PARD3B: variants seen among roughly 807,000 people sequenced by gnomAD.
PARD3B encodes the protein par-3 family cell polarity regulator beta, also known as partitioning defective 3 homolog B.
Under a neutral mutation model 130.2 loss-of-function variants are expected in PARD3B, and 103 were observed. The observed-to-expected ratio is 0.79, with a 90% CI of 0.67 to 0.93. The LOEUF is 0.93. PARD3B is among the 40% of genes least tolerant of loss of function. The pLI is 0.00. For missense variants in PARD3B, 1,609 were observed against 1,499.2 expected, an observed-to-expected ratio of 1.07 and a Z score of -1.21; for synonymous variants, 583 against 553.2, an observed-to-expected ratio of 1.05 and a Z score of -0.76.
chr2:204,819,561 G>T (rs952910741), intron 2 of PARD3B, among the ~76,000 whole-genome samples: 9 of 152,128 alleles, frequency 5.9e-5, no homozygotes, highest in African/African-American at 2.2e-4. Flanking sequence ...TCAAATGAAA[G>T]GAAGAGTCAT....
intron 2 of PARD3B, among the ~76,000 whole-genome samples, chr2:204,949,194 G>T (rs553419930): frequency 3.9e-5 from 6 of 152,174 alleles, no homozygotes; most frequent in Admixed American, 1.3e-4. Flanking sequence ...TATCAATATC[G>T]CATGGGTAGA....
At chr2:204,629,848 T>A (rs1057395839) in intron 1 of PARD3B, among the ~76,000 whole-genome samples, 1 of 152,212 alleles carries the variant, frequency 6.6e-6, no homozygotes, top group African/African-American at 2.4e-5. Flanking sequence ...TATCCAATAT[T>A]TCTTATAAAA....
Position 205,301,945 on chromosome 2 carries a change from C to T in PARD3B, c.2630+244C>T, listed in dbSNP as rs779717819. The T allele has an allele frequency of 3.4e-5, 24 of 713,466 alleles. No homozygotes were observed. Among genetic ancestry groups the T allele is most frequent in the Admixed American group, 1.2e-4 (6 of 49,974 alleles). 44.2% of individuals were successfully genotyped at this position (713,466 alleles called of 1,614,324 possible). On this transcript the variant is annotated intron_variant, in intron 18 of 22. Coordinates refer to ENST00000406610, the MANE Select transcript of PARD3B (RefSeq NM_001302769.2). This position sits in a 1 kb window ranked among gnomAD's most constrained non-coding sequence, Gnocchi z 5.2. Reference sequence around the variant, plus strand: ...AGAAAGGTCAACACTATGCCAGGCACGGTGGCTCATGCCTGTAATCTCAGT... The same window carrying T: ...AGAAAGGTCAACACTATGCCAGGCATGGTGGCTCATGCCTGTAATCTCAGT...
Position 205,558,699 on chromosome 2 carries a change from T to A in PARD3B, c.3260+5296T>A, listed in dbSNP as rs865921598. Among the ~76,000 whole-genome samples, 4 of 152,188 alleles carry A rather than the reference T, an allele frequency of 2.6e-5. No individual in the cohort carries two copies. The highest frequency in any genetic ancestry group is 9.7e-5 in the African/African-American group (4 of 41,438). ...GTGCCGTCTCCTCCATTCCTGCCAATTCAATGCCCGTCTCTATGATGATTC... is the reference window on the plus strand; with the variant it reads ...GTGCCGTCTCCTCCATTCCTGCCAAATCAATGCCCGTCTCTATGATGATTC... On this transcript the variant is annotated intron_variant, in intron 22 of 22. Transcript: ENST00000406610. This position sits in a 1 kb window ranked among gnomAD's most constrained non-coding sequence, Gnocchi z 4.8.
chr2:205,300,542 A>G lies in PARD3B; in HGVS notation c.2198A>G (p.Lys733Arg), dbSNP rs1351416960. 1.2e-6 allele frequency: 2 copies of G among 1,613,484 alleles called. No individual in the cohort carries two copies. Among genetic ancestry groups the G allele is most frequent in the Non-Finnish European group, 1.7e-6 (2 of 1,179,808 alleles). The change falls in exon 17 of 23, where the codon AAA becomes AGA. Residue 733 changes from lysine (K) to arginine (R), a missense_variant. By Grantham distance (26) the Lys-to-Arg change is conservative (BLOSUM62 2). Transcript: ENST00000406610. The surrounding 1 kb of genome is among the most constrained non-coding windows in gnomAD (Gnocchi z 4.1). ...CTTTCTTTTCCAGAATCTCCAAGCA[A>G]AGATTTTGGTCCAACTCTGGGTTTG... Reference protein sequence around the residue: ...LAGQKSESPSKDFGPTLGLKK... With the variant: ...LAGQKSESPSRDFGPTLGLKK...
chr2:204,981,203 C>G (rs934304326), intron 3 of PARD3B, among the ~76,000 whole-genome samples: 3 of 151,982 alleles, frequency 2.0e-5, no homozygotes, highest in African/African-American at 7.3e-5. Flanking sequence ...ATGACTCTGC[C>G]ATTTCAGTCC....
intron 2 of PARD3B, among the ~76,000 whole-genome samples, chr2:204,841,788 T>A (rs2044267258): frequency 6.6e-6 from 1 of 152,160 alleles, no homozygotes; most frequent in Non-Finnish European, 1.5e-5. Context: ...TAGGCCATTG[T>A]ATAAAATACA....
chr2:205,372,249 G>A (rs985834663), intron 18 of PARD3B, among the ~76,000 whole-genome samples: 2 of 152,162 alleles, frequency 1.3e-5, no homozygotes, highest in Non-Finnish European at 2.9e-5. Flanking sequence ...TTGCCAAAGT[G>A]ACTGCATGTT....
chr2:205,433,549 A>T lies in PARD3B; in HGVS notation c.2742-6821A>T, dbSNP rs868207833. ...CTCTGTGTCAAAAAAAAAAAAAAAA[A>T]AAAAGGTAAATTGAGGTATAATTTA... On this transcript the variant is annotated intron_variant, in intron 19 of 22. Coordinates refer to ENST00000406610, the MANE Select transcript of PARD3B (RefSeq NM_001302769.2). Among the ~76,000 whole-genome samples, 15 of 151,960 alleles carry T rather than the reference A, an allele frequency of 9.9e-5. No homozygotes were observed. In the South Asian group the frequency reaches 1.7e-3, roughly 17 times the overall value.
chr2:204,697,335 A>G (rs187601140), intron 2 of PARD3B, among the ~76,000 whole-genome samples: 483 of 152,288 alleles, frequency 3.2e-3, no homozygotes, highest in Non-Finnish European at 4.9e-3. Context: ...GAGAGGGTTC[A>G]GAGGGAGCCT....
At chr2:204,916,392 A>G (rs906561518) in intron 2 of PARD3B, among the ~76,000 whole-genome samples, 6 of 152,094 alleles carry the variant, frequency 3.9e-5, no homozygotes, top group African/African-American at 1.4e-4. Flanking sequence ...TTTGTGTTGT[A>G]TTAACAAAAT....
At chr2:205,380,067 CAA>C (rs527386376) in intron 18 of PARD3B, among the ~76,000 whole-genome samples, 1 of 50,894 alleles carries the variant, frequency 2.0e-5, no homozygotes, top group Non-Finnish European at 3.8e-5. Flanking sequence ...GACTCTGCCT[CAA>C]AAAAAAAAAA....
At chr2:205,065,750 T>C (rs1349419888) in intron 4 of PARD3B, among the ~76,000 whole-genome samples, 5 of 152,124 alleles carry the variant, frequency 3.3e-5, no homozygotes, top group African/African-American at 4.8e-5. Context: ...TCTCTCTCTT[T>C]GCATTTTTTG....
intron 4 of PARD3B, among the ~76,000 whole-genome samples, chr2:205,103,471 T>C (rs907113795): frequency 1.7e-4 from 26 of 151,978 alleles, no homozygotes; most frequent in Non-Finnish European, 2.8e-4. Flanking sequence ...AATTTACTTA[T>C]GTCCAGCCTC....
At chr2:205,471,181 G>A (rs1420180118) in intron 20 of PARD3B, among the ~76,000 whole-genome samples, 1 of 152,058 alleles carries the variant, frequency 6.6e-6, no homozygotes, top group East Asian at 1.9e-4. Flanking sequence ...TAGATGTATT[G>A]TAGATCCATA....
At chr2:204,622,440 C>T (rs1054283716) in intron 1 of PARD3B, among the ~76,000 whole-genome samples, 1 of 152,024 alleles carries the variant, frequency 6.6e-6, no homozygotes, top group Non-Finnish European at 1.5e-5. Flanking sequence ...CTCATTTCCT[C>T]GATGAATCAG....
At position 205,121,988 on chromosome 2, in the gene PARD3B, T is replaced by C. The variant is rs1354065245; in HGVS notation, c.1165+39T>C. 1 of 1,501,948 alleles carries C rather than the reference T, an allele frequency of 6.7e-7. No individual in the cohort carries two copies. Among genetic ancestry groups the C allele is most frequent in the African/African-American group, 1.4e-5 (1 of 71,658 alleles). 93.0% of individuals were successfully genotyped at this position (1,501,948 alleles called of 1,614,324 possible). Reference sequence around the variant, plus strand: ...TATGCCTAATAGCATTCTATTATTGTAACATGTAAAATTGGTTAAGAGAAA... The same window carrying C: ...TATGCCTAATAGCATTCTATTATTGCAACATGTAAAATTGGTTAAGAGAAA... On this transcript the variant is annotated intron_variant, in intron 8 of 22. Transcript: ENST00000406610. The surrounding 1 kb of genome is among the most constrained non-coding windows in gnomAD (Gnocchi z 5.0).
At chr2:205,228,579 A>T (rs1266082332) in intron 15 of PARD3B, among the ~76,000 whole-genome samples, 1 of 151,800 alleles carries the variant, frequency 6.6e-6, no homozygotes, top group African/African-American at 2.4e-5. Context: ...ACTTGTCTTG[A>T]GGTAGTCTTA....
intron 16 of PARD3B, among the ~76,000 whole-genome samples, chr2:205,270,854 C>G (rs900120120): frequency 6.6e-6 from 1 of 152,014 alleles, no homozygotes; most frequent in African/African-American, 2.4e-5. Context: ...AGGTCTTCCC[C>G]CAGACGGCTT....
Sources: allele counts gnomAD v4.1 joint callset (sites outside exome capture counted in the v4.1 genomes callset), GRCh38; gene constraint gnomAD v4.1.1; non-coding constraint Gnocchi (gnomAD v3.1); transcripts MANE v1.5; gene names NCBI Gene and HGNC (gene_info 2026-07-23, HGNC 2026-07-21).